Variants in GRID2 observed in about 807,000 individuals in gnomAD.
GRID2 encodes the protein glutamate ionotropic receptor delta type subunit 2, also known as glutamate receptor ionotropic, delta-2.
In GRID2, 33 loss-of-function variants were observed where a neutral mutation model predicts 114.8. The ratio of observed to expected loss-of-function variants is 0.29; its 90% confidence interval spans 0.22 to 0.38. GRID2 has a LOEUF of 0.38. Among genes scored for constraint, GRID2 ranks in the 10% least tolerant of loss-of-function variants. GRID2 has a pLI of 1.00. For synonymous variants in GRID2, 505 were observed against 449.9 expected, an observed-to-expected ratio of 1.12 and a Z score of -1.55; for missense variants, 1,184 against 1,257.7, an observed-to-expected ratio of 0.94 and a Z score of 0.89.
In GRID2 at chr4:93,562,595, A is replaced by G. The variant is rs532616652; in HGVS notation, c.2193+47184A>G. 3.9e-5 allele frequency among the ~76,000 whole-genome samples: 6 copies of G among 152,208 alleles called. No individual in the cohort carries two copies. The South Asian group carries it at 1.2e-3, about 31-fold the overall frequency. Reference sequence around the variant, plus strand: ...GATTATGCCTTTGGTAGCATATCTAAAAAGTCATGGCAAAAGCCAAGGTCA... The same window carrying G: ...GATTATGCCTTTGGTAGCATATCTAGAAAGTCATGGCAAAAGCCAAGGTCA... On this transcript the variant is annotated intron_variant, in intron 13 of 15. Coordinates refer to ENST00000282020, the MANE Select transcript of GRID2 (RefSeq NM_001510.4).
At chr4:93,686,367 T>C (rs1726079144) in intron 14 of GRID2, among the ~76,000 whole-genome samples, 1 of 151,974 alleles carries the variant, frequency 6.6e-6, no homozygotes, top group Non-Finnish European at 1.5e-5. Context: ...CACTAGCTTC[T>C]TTACCAGTCT....
chr4:92,522,685 A>G (rs533392025), intron 1 of GRID2, among the ~76,000 whole-genome samples: 4 of 152,102 alleles, frequency 2.6e-5, no homozygotes, highest in Admixed American at 2.0e-4. Flanking sequence ...GATTGGATGT[A>G]GGATCAGAGC....
At chr4:93,136,140 G>A (rs1735223413) in intron 4 of GRID2, among the ~76,000 whole-genome samples, 1 of 151,814 alleles carries the variant, frequency 6.6e-6, no homozygotes, top group African/African-American at 2.4e-5. Context: ...CCTTTCCAAC[G>A]TCACACCACA....
intron 1 of GRID2, among the ~76,000 whole-genome samples, chr4:92,343,232 A>G (rs540731928): frequency 6.6e-6 from 1 of 151,678 alleles, no homozygotes; most frequent in Non-Finnish European, 1.5e-5. Flanking sequence ...GGGTGATGTT[A>G]CCAACTGCAA....
At chr4:92,861,779 A>C (rs1240456511) in intron 2 of GRID2, among the ~76,000 whole-genome samples, 1 of 152,020 alleles carries the variant, frequency 6.6e-6, no homozygotes, top group Admixed American at 6.6e-5. Flanking sequence ...TCTTTAAGTT[A>C]ATCCTTGTTC....
At chr4:93,523,067 C>A (rs1046215131) in intron 13 of GRID2, among the ~76,000 whole-genome samples, 1 of 151,954 alleles carries the variant, frequency 6.6e-6, no homozygotes, top group Non-Finnish European at 1.5e-5. Context: ...AGTCTGATAA[C>A]ATAAGCTTCA....
intron 1 of GRID2, among the ~76,000 whole-genome samples, chr4:92,538,530 A>G (rs548401547): frequency 3.3e-5 from 5 of 152,152 alleles, no homozygotes; most frequent in Non-Finnish European, 7.4e-5. Context: ...CCACAAAGCA[A>G]TTACAAAAGG....
At chr4:93,072,101 A>G (rs892554703) in intron 2 of GRID2, among the ~76,000 whole-genome samples, 5 of 152,118 alleles carry the variant, frequency 3.3e-5, no homozygotes, top group African/African-American at 1.2e-4. Context: ...CAAGGAGCAA[A>G]CTTCCTCCTC....
At chr4:93,496,733 T>C (rs1367709370) in intron 12 of GRID2, among the ~76,000 whole-genome samples, 2 of 151,860 alleles carry the variant, frequency 1.3e-5, no homozygotes, top group African/African-American at 4.8e-5. Context: ...TGCTAAGTAA[T>C]AATCCATGGT....
intron 2 of GRID2, among the ~76,000 whole-genome samples, chr4:92,886,350 A>T (rs1242112516): frequency 6.6e-6 from 1 of 152,160 alleles, no homozygotes; most frequent in Non-Finnish European, 1.5e-5. Context: ...GAATCACCAA[A>T]TGTGACACAA....
chr4:93,174,184 A>G (rs550319375), intron 4 of GRID2, among the ~76,000 whole-genome samples: 2 of 152,314 alleles, frequency 1.3e-5, no homozygotes, highest in Non-Finnish European at 2.9e-5. Context: ...TTGTATGTGT[A>G]GTTTCATGTG....
intron 4 of GRID2, among the ~76,000 whole-genome samples, chr4:93,149,375 A>G (rs2149395202): frequency 6.6e-6 from 1 of 152,172 alleles, no homozygotes; most frequent in South Asian, 2.1e-4. Flanking sequence ...GGAGTTCGAG[A>G]CCAACTTGGC....
intron 8 of GRID2, among the ~76,000 whole-genome samples, chr4:93,360,020 G>A (rs1031781596): frequency 1.4e-4 from 21 of 149,180 alleles, no homozygotes; most frequent in Non-Finnish European, 3.1e-4. Context: ...TCTTCTTAAA[G>A]TCTTGACACG....
intron 3 of GRID2, among the ~76,000 whole-genome samples, chr4:93,087,293 G>T (rs1489550504): frequency 6.6e-6 from 1 of 151,940 alleles, no homozygotes; most frequent in East Asian, 1.9e-4. Context: ...ACCCACCTCG[G>T]CCTCCCAAAG....
At chr4:93,494,264 G>T (rs1580240747) in intron 12 of GRID2, among the ~76,000 whole-genome samples, 1 of 151,898 alleles carries the variant, frequency 6.6e-6, no homozygotes, top group East Asian at 1.9e-4. Flanking sequence ...ATTTTGCTGT[G>T]CCATTGGCAA....
At chr4:92,758,451 T>A (rs939198612) in intron 2 of GRID2, among the ~76,000 whole-genome samples, 12 of 152,246 alleles carry the variant, frequency 7.9e-5, no homozygotes, top group Admixed American at 7.8e-4. Flanking sequence ...TGGGTCCTCA[T>A]AGTCTAGTGA....
At chr4:92,501,496 C>T (rs1723681566) in intron 1 of GRID2, among the ~76,000 whole-genome samples, 1 of 152,128 alleles carries the variant, frequency 6.6e-6, no homozygotes, top group Admixed American at 6.6e-5. Context: ...GGGGTTTCAG[C>T]TGTGTAGTCT....
intron 8 of GRID2, among the ~76,000 whole-genome samples, chr4:93,270,418 C>T (rs904228579): frequency 6.6e-6 from 1 of 152,084 alleles, no homozygotes; most frequent in African/African-American, 2.4e-5. Context: ...ATACTATTCT[C>T]AAATGTCCTT....
chr4:92,866,389 C>T (rs1479970282), intron 2 of GRID2, among the ~76,000 whole-genome samples: 1 of 152,166 alleles, frequency 6.6e-6, no homozygotes, highest in Non-Finnish European at 1.5e-5. Context: ...CCATCAGATT[C>T]TATTCAGAGG....
Sources: allele counts gnomAD v4.1 joint callset (sites outside exome capture counted in the v4.1 genomes callset), GRCh38; gene constraint gnomAD v4.1.1; transcripts MANE v1.5; gene names NCBI Gene and HGNC (gene_info 2026-07-23, HGNC 2026-07-21).